KCNG2: variants seen among roughly 807,000 people sequenced by gnomAD.
KCNG2 encodes the protein voltage-gated potassium channel regulatory subunit KCNG2.
A neutral mutation model predicts 12.3 loss-of-function variants in KCNG2; 7 were observed. The ratio of observed to expected loss-of-function variants is 0.57; its 90% CI spans 0.32 to 1.07. The LOEUF (loss-of-function observed/expected upper bound fraction) is 1.07. Ranked by LOEUF, KCNG2 falls within the 50% of genes least tolerant of loss-of-function variation. The pLI is 0.04. For synonymous variants in KCNG2, 414 were observed against 351.4 expected, an observed-to-expected ratio of 1.18 and a Z score of -1.99; for missense variants, 703 against 726.0, an observed-to-expected ratio of 0.97 and a Z score of 0.36.
intron 1 of KCNG2, among the ~76,000 whole-genome samples, chr18:79,824,183 G>C (rs890204307): frequency 3.9e-5 from 6 of 152,178 alleles, no homozygotes; most frequent in African/African-American, 1.2e-4. Context: ...ATTTTTTGTA[G>C]AGACAGGGTT....
chr18:79,866,675 G>A (rs1979576693), intron 3 of KCNG2, among the ~76,000 whole-genome samples: 1 of 59,218 alleles, frequency 1.7e-5, no homozygotes, highest in Middle Eastern at 0.016. Context: ...TCTGGGTGCT[G>A]AGAGGTCTGG....
chr18:79,860,148 T>C (rs1301307835), intron 2 of KCNG2, among the ~76,000 whole-genome samples: 1 of 152,158 alleles, frequency 6.6e-6, no homozygotes, highest in Non-Finnish European at 1.5e-5. Context: ...AACGAACAGA[T>C]CTCATTTCGA....
intron 3 of KCNG2, among the ~76,000 whole-genome samples, chr18:79,877,087 C>A (rs1472666457): frequency 6.6e-6 from 1 of 152,242 alleles, no homozygotes; most frequent in Non-Finnish European, 1.5e-5. Context: ...AGTTTGTTCC[C>A]TTACATAGAT....
At chr18:79,810,234 A>T (rs116279339) in intron 1 of KCNG2, among the ~76,000 whole-genome samples, 379 of 152,254 alleles carry the variant, frequency 2.5e-3, no homozygotes, top group African/African-American at 8.3e-3. Context: ...ACAAAAAGAG[A>T]AACTTGAAAA....
intron 1 of KCNG2, among the ~76,000 whole-genome samples, chr18:79,801,430 G>A (rs1367300046): frequency 1.3e-5 from 2 of 152,190 alleles, no homozygotes; most frequent in East Asian, 1.9e-4. Context: ...TTCCTCAGCC[G>A]GGGCCTGTGG....
intron 1 of KCNG2, among the ~76,000 whole-genome samples, chr18:79,810,677 T>C (rs1290532768): frequency 2.0e-5 from 3 of 152,084 alleles, no homozygotes; most frequent in Admixed American, 2.0e-4. Context: ...GGTGGGAGGA[T>C]CACTTGAGCT....
intron 1 of KCNG2, among the ~76,000 whole-genome samples, chr18:79,835,436 C>T (rs745404005): frequency 8.5e-5 from 13 of 152,164 alleles, no homozygotes; most frequent in Non-Finnish European, 1.6e-4. Flanking sequence ...CAATTACAAA[C>T]ATGCTTGAAA....
chr18:79,865,421 G>A (rs114144147), intron 3 of KCNG2, among the ~76,000 whole-genome samples: 97 of 132,288 alleles, frequency 7.3e-4, no homozygotes, highest in African/African-American at 3.2e-3. Flanking sequence ...GTGCTGAAAG[G>A]TCTGGGTGCT....
At chr18:79,868,684 A>G (rs4799095) in intron 3 of KCNG2, among the ~76,000 whole-genome samples, 125,810 of 152,184 alleles carry the variant, frequency 0.83, 54,699 homozygotes, top group Non-Finnish European at 0.95. Flanking sequence ...ATGGGATGTG[A>G]GAACCGTAAA....
chr18:79,861,282 T>A (rs1278141577), intron 2 of KCNG2, among the ~76,000 whole-genome samples: 10 of 145,864 alleles, frequency 6.9e-5, no homozygotes, highest in African/African-American at 2.3e-4. Flanking sequence ...TCTTTTTTTT[T>A]TTTTTTTTTT....
chr18:79,851,605 C>T (rs573691574), intron 1 of KCNG2, among the ~76,000 whole-genome samples: 7 of 139,598 alleles, frequency 5.0e-5, no homozygotes, highest in Non-Finnish European at 1.1e-4. Flanking sequence ...TGTGCATGTG[C>T]GGGTGTGTGA....
At chr18:79,849,467 G>T (rs1359213042) in intron 1 of KCNG2, among the ~76,000 whole-genome samples, 2 of 152,186 alleles carry the variant, frequency 1.3e-5, no homozygotes, top group Non-Finnish European at 1.5e-5. Flanking sequence ...GACCTCATCC[G>T]GGGCAAGGTC....
chr18:79,812,765 G>A (rs2087501268), intron 1 of KCNG2, among the ~76,000 whole-genome samples: 1 of 152,208 alleles, frequency 6.6e-6, no homozygotes. Flanking sequence ...GGAGGCTGAG[G>A]CGCGAGAATC....
At chr18:79,848,809 G>A (rs1472466963) in intron 1 of KCNG2, among the ~76,000 whole-genome samples, 2 of 152,268 alleles carry the variant, frequency 1.3e-5, no homozygotes, top group Non-Finnish European at 2.9e-5. Context: ...CGGCATTCCC[G>A]GTGAAGCCAG....
At chr18:79,898,470 A>C (rs1474095104) in intron 3 of KCNG2, among the ~76,000 whole-genome samples, 3 of 152,084 alleles carry the variant, frequency 2.0e-5, no homozygotes, top group African/African-American at 4.8e-5. Context: ...CCTCCACCGG[A>C]CTCCCCAAGG....
At chr18:79,847,340 G>T (rs1978660263) in intron 1 of KCNG2, among the ~76,000 whole-genome samples, 1 of 151,930 alleles carries the variant, frequency 6.6e-6, no homozygotes, top group African/African-American at 2.4e-5. Context: ...AGTATCCCTG[G>T]CCTCCATGCC....
intron 3 of KCNG2, among the ~76,000 whole-genome samples, chr18:79,891,760 G>T (rs1980751039): frequency 6.6e-6 from 1 of 152,098 alleles, no homozygotes; most frequent in Non-Finnish European, 1.5e-5. Flanking sequence ...CCTTTTAAAT[G>T]TATTGAGGTT....
intron 1 of KCNG2, among the ~76,000 whole-genome samples, chr18:79,802,621 C>G (rs1200278257): frequency 2.6e-5 from 4 of 152,228 alleles, no homozygotes; most frequent in African/African-American, 9.6e-5. Context: ...CTTCCTGGCA[C>G]TGACCCCTGT....
intron 1 of KCNG2, among the ~76,000 whole-genome samples, chr18:79,821,582 G>T (rs140278122): frequency 2.0e-5 from 3 of 152,146 alleles, no homozygotes; most frequent in Non-Finnish European, 2.9e-5. Context: ...GAGCCACCAC[G>T]CCTGGCCTTT....
Sources: allele counts gnomAD v4.1 joint callset (sites outside exome capture counted in the v4.1 genomes callset), GRCh38; gene constraint gnomAD v4.1.1; transcripts MANE v1.5; gene names NCBI Gene and HGNC (gene_info 2026-07-23, HGNC 2026-07-21).